SLC15A1: variants seen among roughly 807,000 people sequenced by gnomAD.
SLC15A1 encodes the protein Caco-2 oligopeptide transporter.
Under a neutral mutation model 92.9 loss-of-function variants are expected in SLC15A1, and 83 were observed. The ratio of observed to expected loss-of-function variants is 0.89; its 90% CI spans 0.75 to 1.07. The LOEUF (loss-of-function observed/expected upper bound fraction) is 1.07. SLC15A1 is among the 50% of genes least tolerant of loss of function. The pLI, the probability that SLC15A1 is intolerant of heterozygous loss-of-function variation, is 0.00. For missense variants in SLC15A1, 857 were observed against 880.1 expected (o/e 0.97, Z 0.33); for synonymous variants, 322 against 318.2 (o/e 1.01, Z -0.13).
In SLC15A1 at chr13:98,723,993, T is replaced by C; in HGVS notation, c.284A>G (p.Gln95Arg). 1.2e-6 allele frequency: 2 copies of C among 1,614,130 alleles called. No individual in the cohort carries two copies. The highest frequency in any genetic ancestry group is 3.3e-5 in the Admixed American group (2 of 60,010). ...VSLSIVYTIGQAVTSVSSIND... is the reference protein window; with the variant it reads ...VSLSIVYTIGRAVTSVSSIND... ...AATGGAGCTTACTGAGGTGACTGCT[T>C]GTCCAATTGTGTAGACAATGGAGAG... is the stretch of plus-strand genomic sequence containing the variant. The change falls in exon 5 of 23, where the codon CAA becomes CGA. Residue 95 changes from glutamine (Q) to arginine (R), a missense_variant. Coordinates refer to ENST00000376503, the MANE Select transcript of SLC15A1 (RefSeq NM_005073.4).
At position 98,688,552 on chromosome 13, in the gene SLC15A1, T is replaced by C. The variant is rs1207284842; in HGVS notation, c.1492A>G (p.Ile498Val). The C allele has an allele frequency of 3.1e-6, 5 of 1,613,786 alleles. No homozygotes were observed. In the East Asian group the frequency reaches 1.1e-4, roughly 36 times the overall value. ...IRFVNTFNELITITMSGKVYA... is the reference protein window; with the variant it reads ...IRFVNTFNELVTITMSGKVYA... The stretch of plus-strand genomic sequence containing the variant: ...ACTTTCCCACTCATTGTGATGGTGA[T>C]GAGCTCGTTAAAAGTATTTACAAAT... The change falls in exon 19 of 23, where the codon ATC becomes GTC. Residue 498 changes from isoleucine (I) to valine (V), a missense_variant. Transcript: ENST00000376503.
At chr13:98,727,330 G>C (rs2088310852) in intron 1 of SLC15A1, among the ~76,000 whole-genome samples, 2 of 152,154 alleles carry the variant, frequency 1.3e-5, no homozygotes, top group Non-Finnish European at 2.9e-5. Flanking sequence ...CATGATTTAA[G>C]TCTTGCCACC....
At chr13:98,708,634 C>T (rs1489304291) in intron 15 of SLC15A1, 52 bp downstream of exon 15, 4 of 1,488,114 alleles carry the variant, frequency 2.7e-6, no homozygotes, top group Non-Finnish European at 3.7e-6. Flanking sequence ...ATTCTGAACG[C>T]TCCACCTAAA....
At chr13:98,733,968 T>C (rs2088369983) in intron 1 of SLC15A1, among the ~76,000 whole-genome samples, 1 of 152,040 alleles carries the variant, frequency 6.6e-6, no homozygotes, top group Non-Finnish European at 1.5e-5. Flanking sequence ...GGTCGTTTTA[T>C]TTTATTTTAT....
At chr13:98,699,403 T>C (rs2088050000) in intron 18 of SLC15A1, among the ~76,000 whole-genome samples, 1 of 152,192 alleles carries the variant, frequency 6.6e-6, no homozygotes, top group Admixed American at 6.5e-5. Flanking sequence ...AATAAAAGTG[T>C]GTAATTTTTT....
Position 98,705,868 on chromosome 13 carries a change from C to T in SLC15A1, c.1269+266G>A, listed in dbSNP as rs146378413. 8.0e-3 allele frequency among the ~76,000 whole-genome samples: 1,202 copies of T among 150,052 alleles called. 48 individuals are homozygous for T. The East Asian group carries it at 0.1, about 13-fold the overall frequency. ...CAAGATTTTGCCACTGCACTCCAGCCTGGGTGACAGAGCAAGACTCCATCT... is the reference window on the plus strand; with the variant it reads ...CAAGATTTTGCCACTGCACTCCAGCTTGGGTGACAGAGCAAGACTCCATCT... On this transcript the variant is annotated intron_variant, in intron 16 of 22. Coordinates refer to ENST00000376503, the MANE Select transcript of SLC15A1 (RefSeq NM_005073.4).
At chr13:98,744,292 T>G (rs1336850495) in intron 1 of SLC15A1, among the ~76,000 whole-genome samples, 1 of 147,314 alleles carries the variant, frequency 6.8e-6, no homozygotes, top group Non-Finnish European at 1.5e-5. Context: ...TTTGGAGGGT[T>G]GTTTTTCAAG....
intron 6 of SLC15A1, 51 bp from the exon 7 acceptor site, chr13:98,721,636 C>A: frequency 1.5e-6 from 2 of 1,360,042 alleles, no homozygotes; most frequent in South Asian, 2.6e-5. Context: ...ATCCACTGAG[C>A]ACAGGGAGCT....
chr13:98,724,441 C>A (rs1239387442), intron 4 of SLC15A1, among the ~76,000 whole-genome samples: 1 of 152,154 alleles, frequency 6.6e-6, no homozygotes, highest in Non-Finnish European at 1.5e-5. Context: ...GAGGTTGAAG[C>A]TGCAGTGAGC....
chr13:98,688,617 A>G, intron 18 of SLC15A1, 40 bp from the exon 19 acceptor site: 3 of 1,434,714 alleles, frequency 2.1e-6, no homozygotes, highest in Non-Finnish European at 2.9e-6. Context: ...TGAACTAGAG[A>G]ATAATATATT....
At chr13:98,730,360 T>G (rs1252214848) in intron 1 of SLC15A1, among the ~76,000 whole-genome samples, 1 of 151,828 alleles carries the variant, frequency 6.6e-6, no homozygotes, top group Non-Finnish European at 1.5e-5. Flanking sequence ...CTGTACTGGT[T>G]TCACAGGACC....
chr13:98,730,643 C>T (rs1320470571), intron 1 of SLC15A1, among the ~76,000 whole-genome samples: 1 of 152,264 alleles, frequency 6.6e-6, no homozygotes, highest in Non-Finnish European at 1.5e-5. Context: ...TCCTGCGAAC[C>T]CCACAGCCCT....
At chr13:98,691,455 A>T (rs1208969490) in intron 18 of SLC15A1, among the ~76,000 whole-genome samples, 1 of 152,224 alleles carries the variant, frequency 6.6e-6, no homozygotes, top group Admixed American at 6.5e-5. Context: ...TGCAATGAAC[A>T]TGCATGCACA....
At chr13:98,688,226 T>A (rs1228471460) in intron 20 of SLC15A1, 22 bp downstream of exon 20, 1 of 1,495,630 alleles carries the variant, frequency 6.7e-7, no homozygotes, top group Non-Finnish European at 9.3e-7. Flanking sequence ...GATCTTCTGA[T>A]ACAATGAAAC....
intron 1 of SLC15A1, among the ~76,000 whole-genome samples, chr13:98,746,805 G>A (rs1378195409): frequency 6.6e-6 from 1 of 152,164 alleles, no homozygotes; most frequent in Non-Finnish European, 1.5e-5. Context: ...TCTCCAATGA[G>A]AGACCCCTTT....
At position 98,718,300 on chromosome 13, in the gene SLC15A1, C is replaced by CTTTTTTTTT. The variant is rs532286337; in HGVS notation, c.640+928_640+936dup. On this transcript the variant is annotated intron_variant, in intron 8 of 22. Coordinates refer to ENST00000376503, the MANE Select transcript of SLC15A1 (RefSeq NM_005073.4). The stretch of plus-strand genomic sequence containing the variant: ...ATCCAGCAGATTCTATCACCTTCAT[C>CTTTTTTTTT]TTTTTTTTTTTTTTTTTTTTTTTTT... Among the ~76,000 whole-genome samples the CTTTTTTTTT allele has an allele frequency of 1.9e-4, 16 of 84,130 alleles. 2 individuals are homozygous for CTTTTTTTTT. Among genetic ancestry groups the CTTTTTTTTT allele is most frequent in the African/African-American group, 7.5e-4 (11 of 14,650 alleles). 55.2% of individuals were successfully genotyped at this position (84,130 alleles called of 152,430 possible). A position where few individuals can be genotyped will look rare whatever the true frequency, so the allele number is the denominator to read the frequency against.
In SLC15A1 at chr13:98,702,488, A is replaced by G; in HGVS notation, c.1458T>C (p.Asn486=). The G allele has an allele frequency of 7.5e-6, 12 of 1,607,152 alleles. No individual in the cohort carries two copies. Among genetic ancestry groups the G allele is most frequent in the Non-Finnish European group, 1.0e-5 (12 of 1,173,974 alleles). The change falls in exon 18 of 23, where the codon AAT becomes AAC. Residue 486 remains asparagine (N), a synonymous_variant. Coordinates refer to ENST00000376503, the MANE Select transcript of SLC15A1 (RefSeq NM_005073.4). Reference sequence around the variant, plus strand: ...TAAAGAAATATACATACCTGATTCCATTTTCCCCTTTTTCTGGCTTCTGGT... The same window carrying G: ...TAAAGAAATATACATACCTGATTCCGTTTTCCCCTTTTTCTGGCTTCTGGT... ...GLNQKPEKGE[N]GIRFVNTFNE...
chr13:98,701,546 C>T (rs1040110186), intron 18 of SLC15A1, among the ~76,000 whole-genome samples: 3 of 151,888 alleles, frequency 2.0e-5, no homozygotes, highest in African/African-American at 7.2e-5. Context: ...GTCACCCAGG[C>T]TGGAGTTCAG....
intron 1 of SLC15A1, among the ~76,000 whole-genome samples, chr13:98,746,602 A>G (rs2088495058): frequency 6.6e-6 from 1 of 152,254 alleles, no homozygotes; most frequent in South Asian, 2.1e-4. Flanking sequence ...AGAGCTTATA[A>G]TAAAATCTTG....
Sources: gnomAD v4.1 joint callset for allele counts (sites outside exome capture counted in the v4.1 genomes callset) on GRCh38, gnomAD v4.1.1 for gene constraint, MANE v1.5 for transcripts, NCBI Gene and HGNC (gene_info 2026-07-23, HGNC 2026-07-21) for gene names.